The following IL1RAPL2 variants were observed in gnomAD, a reference collection of about 807,000 sequenced individuals.
The protein encoded by IL1RAPL2 is interleukin 1 receptor accessory protein like 2.
Under a neutral mutation model 44.1 loss-of-function variants are expected in IL1RAPL2, and 3 were observed. The observed-to-expected ratio is 0.07, with a 90% CI of 0.03 to 0.18. The LOEUF (loss-of-function observed/expected upper bound fraction) is 0.18. IL1RAPL2 is among the 10% of genes least tolerant of loss of function. IL1RAPL2 has a pLI of 1.00. For synonymous variants in IL1RAPL2, 181 were observed against 178.8 expected (o/e 1.01, Z -0.10); for missense variants, 391 against 496.4 (o/e 0.79, Z 2.02).
intron 2 of IL1RAPL2, among the ~76,000 whole-genome samples, chrX:105,077,268 G>C (rs1279154319): frequency 2.7e-5 from 3 of 111,303 alleles, no homozygotes; most frequent in African/African-American, 9.8e-5. Flanking sequence ...GCATTTGCTT[G>C]TCTGTAAAGT....
chrX:105,535,606 G>A (rs766482331), intron 6 of IL1RAPL2, among the ~76,000 whole-genome samples: 38 of 111,920 alleles, frequency 3.4e-4, no homozygotes, highest in Non-Finnish European at 6.2e-4. Flanking sequence ...ACTTGGCAAC[G>A]AAAAGGAGCA....
intron 2 of IL1RAPL2, among the ~76,000 whole-genome samples, chrX:104,724,523 A>C (rs1241033572): frequency 9.0e-6 from 1 of 111,526 alleles, no homozygotes; most frequent in Non-Finnish European, 1.9e-5. Flanking sequence ...ATAATTCTTC[A>C]ACACTGATAG....
chrX:104,636,889 G>A (rs749848458), intron 1 of IL1RAPL2, among the ~76,000 whole-genome samples: 8 of 111,289 alleles, frequency 7.2e-5, no homozygotes, highest in Middle Eastern at 4.7e-3. Context: ...AGATGAACCC[G>A]GTACCTCAGT....
chrX:105,216,822 C>T (rs782609811), intron 3 of IL1RAPL2, among the ~76,000 whole-genome samples: 12 of 111,598 alleles, frequency 1.1e-4, no homozygotes, highest in South Asian at 3.8e-4. Context: ...ATCTGATCTT[C>T]GACAAACCTC....
rs765256249 is a variant in IL1RAPL2 at position 105,381,371 on chromosome X, C to T, written c.698-102942C>T. Among the ~76,000 whole-genome samples, 171 of 111,749 alleles carry T rather than the reference C, an allele frequency of 1.5e-3. 12 individuals are homozygous for T. Among genetic ancestry groups the T allele is most frequent in the Middle Eastern group, 4.6e-3 (1 of 216 alleles). On this transcript the variant is annotated intron_variant, in intron 5 of 10. Coordinates refer to ENST00000372582, the MANE Select transcript of IL1RAPL2 (RefSeq NM_017416.2). ...ATTCTTCTCAACACTCTCTTCCTCT[C>T]GTATCTATCTTTCCTTTTGGTTATA...
intron 5 of IL1RAPL2, among the ~76,000 whole-genome samples, chrX:105,409,192 G>A (rs1273886090): frequency 1.0e-5 from 1 of 100,248 alleles, no homozygotes; most frequent in African/African-American, 4.9e-5. Context: ...GAGTACCTAT[G>A]CCTCCAAACC....
At chrX:104,811,749 T>C (rs903859461) in intron 2 of IL1RAPL2, among the ~76,000 whole-genome samples, 11 of 110,934 alleles carry the variant, frequency 9.9e-5, no homozygotes, top group Non-Finnish European at 1.9e-4. Context: ...AGTGTCTGGG[T>C]CCCACAATGG....
rs778103121 is a variant in IL1RAPL2, at chrX:104,640,803, A to G, written c.-19-18092A>G. ...TGTGATTTCCTTAGTAGCTTAGGGT[A>G]TGATTGTTAATGGAGACTGTGGTGA... On this transcript the variant is annotated intron_variant, in intron 1 of 10. Coordinates refer to ENST00000372582, the MANE Select transcript of IL1RAPL2 (RefSeq NM_017416.2). Among the ~76,000 whole-genome samples, 19 of 112,280 alleles carry G rather than the reference A, an allele frequency of 1.7e-4. 1 individual carries two copies. In the South Asian group the frequency reaches 6.6e-3, roughly 39 times the overall value.
intron 6 of IL1RAPL2, among the ~76,000 whole-genome samples, chrX:105,672,143 G>C (rs2037829684): frequency 1.8e-5 from 2 of 111,167 alleles, no homozygotes; most frequent in African/African-American, 3.3e-5. Context: ...TAACATGTCT[G>C]TCATCTTGGT....
intron 6 of IL1RAPL2, among the ~76,000 whole-genome samples, chrX:105,499,509 C>T (rs2036378296): frequency 9.0e-6 from 1 of 111,616 alleles, no homozygotes; most frequent in South Asian, 3.7e-4. Context: ...AGTCTAATAT[C>T]TAAAATATCT....
intron 6 of IL1RAPL2, among the ~76,000 whole-genome samples, chrX:105,513,317 A>T (rs149068222): frequency 0.018 from 1,970 of 111,162 alleles, 49 homozygotes; most frequent in African/African-American, 0.061. Flanking sequence ...TGGTATTTCT[A>T]GTTCTAGATC....
intron 2 of IL1RAPL2, among the ~76,000 whole-genome samples, chrX:104,950,152 T>A (rs1230040843): frequency 8.9e-6 from 1 of 112,054 alleles, no homozygotes; most frequent in Non-Finnish European, 1.9e-5. Flanking sequence ...TCTTGTTGAA[T>A]TGATCCCTTT....
intron 2 of IL1RAPL2, among the ~76,000 whole-genome samples, chrX:104,708,524 C>A (rs375699187): frequency 9.0e-6 from 1 of 111,045 alleles, no homozygotes; most frequent in South Asian, 3.8e-4. Context: ...GAAGGCAACA[C>A]AGAAATATAA....
chrX:105,647,226 G>A (rs1175094866), intron 6 of IL1RAPL2, among the ~76,000 whole-genome samples: 1 of 112,081 alleles, frequency 8.9e-6, no homozygotes, highest in Non-Finnish European at 1.9e-5. Context: ...CCAGCGATGG[G>A]TCTGTGACAA....
chrX:104,679,534 A>T (rs750819624), intron 2 of IL1RAPL2, among the ~76,000 whole-genome samples: 1 of 111,695 alleles, frequency 9.0e-6, no homozygotes, highest in South Asian at 3.8e-4. Context: ...CTCTTTCCTA[A>T]TGTTGTTTTA....
intron 6 of IL1RAPL2, among the ~76,000 whole-genome samples, chrX:105,554,085 C>T (rs1434150086): frequency 2.7e-5 from 3 of 112,580 alleles, no homozygotes; most frequent in Non-Finnish European, 5.6e-5. Flanking sequence ...GGAGCTGCCC[C>T]ACACTCCAGG....
At chrX:105,426,843 A>G (rs2035814467) in intron 5 of IL1RAPL2, among the ~76,000 whole-genome samples, 1 of 111,979 alleles carries the variant, frequency 8.9e-6, no homozygotes, top group Non-Finnish European at 1.9e-5. Flanking sequence ...ATGGCCATGT[A>G]CCCTCAGACC....
chrX:104,982,366 T>G (rs1002184480), intron 2 of IL1RAPL2, among the ~76,000 whole-genome samples: 30 of 111,371 alleles, frequency 2.7e-4, no homozygotes, highest in Admixed American at 1.2e-3. Context: ...ACACTTTGTA[T>G]TTTTAAGGCA....
intron 2 of IL1RAPL2, among the ~76,000 whole-genome samples, chrX:104,690,619 A>AT (rs1241954001): frequency 7.1e-5 from 8 of 112,203 alleles, no homozygotes; most frequent in African/African-American, 2.3e-4. Flanking sequence ...GAGTTTTAAT[A>AT]AAATCGTACT....
Sources: gnomAD v4.1 joint callset for allele counts (sites outside exome capture counted in the v4.1 genomes callset) on GRCh38, gnomAD v4.1.1 for gene constraint, MANE v1.5 for transcripts, NCBI Gene and HGNC (gene_info 2026-07-23, HGNC 2026-07-21) for gene names.